Variants in NBEA observed in about 807,000 individuals in gnomAD.
NBEA encodes lysosomal-trafficking regulator 2.
In NBEA, 44 loss-of-function variants were observed where a neutral mutation model predicts 343.4. That is an observed-to-expected ratio of 0.13 (90% CI 0.10 to 0.16). NBEA has a LOEUF of 0.16. Among genes scored for constraint, NBEA ranks in the 10% least tolerant of loss-of-function variants. The probability of loss-of-function intolerance (pLI) is 1.00; values close to 1 mark genes in which losing one functional copy is unlikely to be tolerated. For missense variants in NBEA, 2,555 were observed against 3,631.3 expected, an observed-to-expected ratio of 0.70 and a Z score of 7.62; for synonymous variants, 1,175 against 1,238.7, an observed-to-expected ratio of 0.95 and a Z score of 1.08.
chr13:35,118,449 G>A lies in NBEA; in HGVS notation c.2218G>A (p.Ala740Thr). 1 of 1,603,200 alleles carries A rather than the reference G, an allele frequency of 6.2e-7. No homozygotes were observed. Among genetic ancestry groups the A allele is most frequent in the Non-Finnish European group, 8.5e-7 (1 of 1,174,804 alleles). ...GGAACACCCAGCCTCAATGATACCA[G>A]CATTTGATCAAAGAAATGGAATAAG... ...MSEHPASMIP[A>T]FDQRNGIRVI... The change falls in exon 16 of 59, where the codon GCA (alanine) becomes ACA (threonine). Residue 740 changes from alanine to threonine, a missense_variant. Ala to Thr is a moderately conservative substitution (Grantham distance 58, BLOSUM62 0). Transcript: ENST00000379939.
chr13:35,292,144 A>G (rs2035839736), intron 35 of NBEA, among the ~76,000 whole-genome samples: 1 of 151,852 alleles, frequency 6.6e-6, no homozygotes, highest in Non-Finnish European at 1.5e-5. Context: ...ATTCTTATTC[A>G]GGGGGGATAA....
intron 1 of NBEA, among the ~76,000 whole-genome samples, chr13:34,994,501 T>C (rs1265323965): frequency 1.3e-5 from 2 of 152,148 alleles, no homozygotes; most frequent in African/African-American, 4.8e-5. Flanking sequence ...TTTAAGAAAA[T>C]AGGAAAATAT....
At chr13:34,980,417 CT>C (rs533555548) in intron 1 of NBEA, among the ~76,000 whole-genome samples, 13 of 150,566 alleles carry the variant, frequency 8.6e-5, no homozygotes, top group East Asian at 3.9e-4. Flanking sequence ...AGAAGTATAA[CT>C]TTTTTTTATT....
intron 35 of NBEA, among the ~76,000 whole-genome samples, chr13:35,301,783 C>G (rs2036566402): frequency 6.6e-6 from 1 of 152,140 alleles, no homozygotes; most frequent in Non-Finnish European, 1.5e-5. Context: ...ACTGGCTGAA[C>G]TAATTTACAC....
chr13:35,568,734 A>G (rs1464827830), intron 45 of NBEA, among the ~76,000 whole-genome samples: 2 of 152,312 alleles, frequency 1.3e-5, no homozygotes, highest in East Asian at 1.9e-4. Flanking sequence ...CCAGTTGAGC[A>G]TCCCTAATCT....
chr13:35,331,014 T>C (rs2038894320), intron 36 of NBEA, among the ~76,000 whole-genome samples: 1 of 151,982 alleles, frequency 6.6e-6, no homozygotes, highest in African/African-American at 2.4e-5. Flanking sequence ...AGACTACAAA[T>C]CTAGATTATG....
intron 1 of NBEA, among the ~76,000 whole-genome samples, chr13:34,960,487 G>A (rs1395477713): frequency 1.3e-5 from 2 of 151,802 alleles, no homozygotes; most frequent in African/African-American, 2.4e-5. Context: ...AATGTCCTAG[G>A]CCTTCACATT....
chr13:35,134,378 T>C (rs1344511596), intron 17 of NBEA, among the ~76,000 whole-genome samples: 1 of 149,266 alleles, frequency 6.7e-6, no homozygotes. Flanking sequence ...AAAAGGCGGG[T>C]CATGTCCTGG....
In NBEA at chr13:35,021,949, TC is replaced by T. The variant is rs377007684; in HGVS notation, c.295-18983del. On this transcript the variant is annotated intron_variant, in intron 1 of 58. Coordinates refer to ENST00000379939, the MANE Select transcript of NBEA (RefSeq NM_001385012.1). ...CAGTTTTTTGTGTGGATTTAAAATT[TC>T]TGTATGTTTTCTTCTGTCTGATGAA... Among the ~76,000 whole-genome samples the T allele has an allele frequency of 4.5e-4, 69 of 152,316 alleles. 2 individuals carry two copies. In the East Asian group the frequency reaches 0.013, roughly 28 times the overall value.
intron 34 of NBEA, among the ~76,000 whole-genome samples, chr13:35,245,861 A>G (rs567544472): frequency 1.3e-5 from 2 of 152,208 alleles, no homozygotes; most frequent in South Asian, 2.1e-4. Flanking sequence ...GTTTCCCCCA[A>G]TTATTCCCCT....
intron 31 of NBEA, among the ~76,000 whole-genome samples, chr13:35,201,677 T>C (rs1007776649): frequency 6.6e-6 from 1 of 152,074 alleles, no homozygotes; most frequent in Non-Finnish European, 1.5e-5. Context: ...TATAATATGA[T>C]ATAAAGCTAC....
intron 1 of NBEA, among the ~76,000 whole-genome samples, chr13:35,026,155 G>C (rs2062013808): frequency 6.6e-6 from 1 of 152,090 alleles, no homozygotes; most frequent in South Asian, 2.1e-4. Context: ...ATAAGCATCT[G>C]GCATTTCCCC....
intron 13 of NBEA, among the ~76,000 whole-genome samples, chr13:35,112,887 T>C (rs2066289215): frequency 6.6e-6 from 1 of 152,270 alleles, no homozygotes; most frequent in African/African-American, 2.4e-5. Flanking sequence ...AGGCACTTTG[T>C]TAAATAACCA....
chr13:35,519,151 C>T (rs1029315231), intron 41 of NBEA, among the ~76,000 whole-genome samples: 15 of 152,128 alleles, frequency 9.9e-5, no homozygotes, highest in Non-Finnish European at 1.8e-4. Flanking sequence ...TCCAAACTTC[C>T]TTTATCAAGA....
chr13:35,606,817 C>T (rs1329351036), intron 48 of NBEA, among the ~76,000 whole-genome samples: 2 of 152,164 alleles, frequency 1.3e-5, no homozygotes, highest in African/African-American at 2.4e-5. Context: ...GTTATGTTTG[C>T]TCCTTTAGGA....
chr13:35,199,002 T>G (rs940817150), intron 31 of NBEA, among the ~76,000 whole-genome samples: 2 of 152,030 alleles, frequency 1.3e-5, no homozygotes, highest in African/African-American at 4.8e-5. Flanking sequence ...TGTGTCTAAT[T>G]GTTTGCCACC....
chr13:35,328,958 A>C (rs911662139), intron 36 of NBEA, among the ~76,000 whole-genome samples: 1 of 151,994 alleles, frequency 6.6e-6, no homozygotes, highest in African/African-American at 2.4e-5. Context: ...AAAGATAGAC[A>C]GATCAACGGA....
chr13:35,328,831 C>T (rs753332025), intron 36 of NBEA, among the ~76,000 whole-genome samples: 30 of 149,584 alleles, frequency 2.0e-4, no homozygotes, highest in South Asian at 6.3e-4. Context: ...TGTGAAAATA[C>T]GCAGGGCCTA....
intron 38 of NBEA, among the ~76,000 whole-genome samples, chr13:35,361,570 G>A (rs2040809034): frequency 6.6e-6 from 1 of 151,974 alleles, no homozygotes; most frequent in Admixed American, 6.6e-5. Flanking sequence ...AATACAAAAT[G>A]TAACACCATA....
Sources: allele counts gnomAD v4.1 joint callset (sites outside exome capture counted in the v4.1 genomes callset), GRCh38; gene constraint gnomAD v4.1.1; transcripts MANE v1.5; gene names NCBI Gene and HGNC (gene_info 2026-07-23, HGNC 2026-07-21).